CTNNA2: variants seen among roughly 807,000 people sequenced by gnomAD.
CTNNA2 encodes the protein catenin alpha-2.
A neutral mutation model predicts 101.0 loss-of-function variants in CTNNA2; 42 were observed. The observed-to-expected ratio is 0.42, with a 90% CI of 0.32 to 0.54. The LOEUF is 0.54. CTNNA2 is among the 20% of genes least tolerant of loss of function. The pLI is 0.14. For synonymous variants in CTNNA2, 450 were observed against 456.4 expected (o/e 0.99, Z 0.18); for missense variants, 871 against 1,223.1 (o/e 0.71, Z 4.29).
rs932639977 is a variant in CTNNA2, at chr2:79,469,407, G to GA, written c.-134-35647_-134-35646insA. Among the ~76,000 whole-genome samples the GA allele has an allele frequency of 1.4e-3, 220 of 151,958 alleles. 2 individuals carry two copies. The highest frequency in any genetic ancestry group is 5.2e-3 in the African/African-American group (214 of 41,446). On this transcript the variant is annotated intron_variant, in intron 4 of 21. Coordinates refer to the CTNNA2 transcript ENST00000466387. Reference sequence around the variant, plus strand: ...AATTAATAGCCTACCAACCAAAAAAGGTCCAGGACCAGACGGATTCACAGC... The same window carrying GA: ...AATTAATAGCCTACCAACCAAAAAAGAGTCCAGGACCAGACGGATTCACAGC...
At position 79,799,881 on chromosome 2, in the gene CTNNA2, T is replaced by C. The variant is rs80190609; in HGVS notation, c.298+55299T>C. 3.7e-3 allele frequency among the ~76,000 whole-genome samples: 570 copies of C among 152,348 alleles called. 9 individuals are homozygous for C. The East Asian group carries it at 0.04, about 11-fold the overall frequency. On this transcript the variant is annotated intron_variant, in intron 3 of 18. Coordinates refer to ENST00000402739, the MANE Select transcript of CTNNA2 (RefSeq NM_001282597.3). Reference sequence around the variant, plus strand: ...AGACACAGATGTAGGTCAGTAGTCATGGTAATTACTTACTCTGTAGATTGG... The same window carrying C: ...AGACACAGATGTAGGTCAGTAGTCACGGTAATTACTTACTCTGTAGATTGG...
chr2:79,534,557 G>C (rs1672940670), intron 1 of CTNNA2, among the ~76,000 whole-genome samples: 1 of 151,712 alleles, frequency 6.6e-6, no homozygotes, highest in Admixed American at 6.6e-5. Flanking sequence ...AAGCCTCATA[G>C]AGTTGAGGTA....
At chr2:80,090,260 T>C (rs1389563462) in intron 7 of CTNNA2, among the ~76,000 whole-genome samples, 1 of 151,864 alleles carries the variant, frequency 6.6e-6, no homozygotes, top group African/African-American at 2.4e-5. Flanking sequence ...ACACACAGTC[T>C]GTGTGCTTGT....
chr2:80,409,685 G>T (rs1679392112), intron 8 of CTNNA2, among the ~76,000 whole-genome samples: 4 of 152,124 alleles, frequency 2.6e-5, no homozygotes, highest in Admixed American at 2.6e-4. Flanking sequence ...TCTTTCTGAG[G>T]ACTTCTTATT....
At chr2:79,930,891 C>G (rs1687395040) in intron 7 of CTNNA2, among the ~76,000 whole-genome samples, 1 of 152,180 alleles carries the variant, frequency 6.6e-6, no homozygotes, top group Non-Finnish European at 1.5e-5. Context: ...TTCTCTGCAG[C>G]AAGTATTACT....
chr2:80,339,733 C>A (rs1672065977), intron 7 of CTNNA2, among the ~76,000 whole-genome samples: 1 of 152,130 alleles, frequency 6.6e-6, no homozygotes. Context: ...TTAATAAAGC[C>A]ATGAGAGGAA....
chr2:79,605,084 G>GCAGA (rs142601118), intron 1 of CTNNA2, among the ~76,000 whole-genome samples: 20,608 of 152,020 alleles, frequency 0.14, 2,373 homozygotes, highest in African/African-American at 0.32. Flanking sequence ...GTTAAAATTA[G>GCAGA]CAAAGACATT....
At chr2:79,879,021 T>C (rs1328419267) in intron 6 of CTNNA2, among the ~76,000 whole-genome samples, 2 of 152,164 alleles carry the variant, frequency 1.3e-5, no homozygotes, top group East Asian at 1.9e-4. Context: ...AGGGGTCCAG[T>C]TTTAGTTTTC....
intron 7 of CTNNA2, among the ~76,000 whole-genome samples, chr2:80,240,781 T>A (rs1670875440): frequency 6.6e-6 from 1 of 152,184 alleles, no homozygotes; most frequent in Non-Finnish European, 1.5e-5. Context: ...TCAACCTGGG[T>A]TTTTAGGAAG....
At chr2:79,454,143 A>C (rs940934069) in intron 4 of CTNNA2, among the ~76,000 whole-genome samples, 1 of 151,838 alleles carries the variant, frequency 6.6e-6, no homozygotes, top group Non-Finnish European at 1.5e-5. Context: ...TGGTGCTGAT[A>C]CTCTTCATTT....
At chr2:79,220,273 A>C (rs546298651) in intron 2 of CTNNA2, among the ~76,000 whole-genome samples, 1 of 152,304 alleles carries the variant, frequency 6.6e-6, no homozygotes, top group South Asian at 2.1e-4. Context: ...AAGATCTCTT[A>C]TTCCAACTAA....
intron 7 of CTNNA2, among the ~76,000 whole-genome samples, chr2:79,948,989 TA>T (rs369400448): frequency 1.3e-5 from 2 of 151,084 alleles, no homozygotes; most frequent in Admixed American, 6.6e-5. Context: ...AATAAATAAA[TA>T]AAATAAATGG....
intron 7 of CTNNA2, among the ~76,000 whole-genome samples, chr2:80,269,460 G>C (rs1673284674): frequency 6.6e-6 from 1 of 151,992 alleles, no homozygotes; most frequent in South Asian, 2.1e-4. Flanking sequence ...GTAAGTCTCG[G>C]GTATATCCTT....
chr2:80,039,163 C>G (rs767752878), intron 7 of CTNNA2, among the ~76,000 whole-genome samples: 5 of 152,042 alleles, frequency 3.3e-5, no homozygotes, highest in Non-Finnish European at 5.9e-5. Context: ...AACCAGAAAG[C>G]CCAGGGTAGA....
chr2:79,935,352 C>CTTT (rs56252618), intron 7 of CTNNA2, among the ~76,000 whole-genome samples: 6 of 144,708 alleles, frequency 4.1e-5, no homozygotes, highest in African/African-American at 1.3e-4. Flanking sequence ...CTCTCTCTCT[C>CTTT]TTTTTTTTTT....
At chr2:80,501,191 C>T (rs1035287173) in intron 9 of CTNNA2, among the ~76,000 whole-genome samples, 11 of 152,286 alleles carry the variant, frequency 7.2e-5, no homozygotes, top group Non-Finnish European at 1.2e-4. Context: ...ATGATTATAT[C>T]CCTTATACAC....
At chr2:80,617,644 A>G (rs961863564) in intron 17 of CTNNA2, among the ~76,000 whole-genome samples, 33 of 151,716 alleles carry the variant, frequency 2.2e-4, no homozygotes, top group Non-Finnish European at 4.7e-4. Context: ...GAAGTGAAAA[A>G]TGGACATGAT....
chr2:79,390,735 A>G (rs1268535115), intron 4 of CTNNA2, among the ~76,000 whole-genome samples: 1 of 152,214 alleles, frequency 6.6e-6, no homozygotes, highest in Non-Finnish European at 1.5e-5. Flanking sequence ...TGGTTGTAGC[A>G]TCCAAACTTG....
chr2:80,065,782 C>G (rs1401852332), intron 7 of CTNNA2, among the ~76,000 whole-genome samples: 1 of 152,186 alleles, frequency 6.6e-6, no homozygotes, highest in African/African-American at 2.4e-5. Flanking sequence ...CAGCTATCAT[C>G]ATCTTCATTA....
Sources: gnomAD v4.1 joint callset for allele counts (sites outside exome capture counted in the v4.1 genomes callset) on GRCh38, gnomAD v4.1.1 for gene constraint, MANE v1.5 for transcripts, NCBI Gene and HGNC (gene_info 2026-07-23, HGNC 2026-07-21) for gene names.